Variants in LARGE1 observed in about 807,000 individuals in gnomAD.
The protein encoded by LARGE1 is LARGE xylosyl- and glucuronyltransferase 1, also known as xylosyl- and glucuronyltransferase LARGE1.
A neutral mutation model predicts 87.6 loss-of-function variants in LARGE1; 43 were observed. The ratio of observed to expected loss-of-function variants is 0.49; its 90% CI spans 0.38 to 0.63. The LOEUF (loss-of-function observed/expected upper bound fraction) is 0.63. Among genes scored for constraint, LARGE1 ranks in the 30% least tolerant of loss-of-function variants. The pLI is 0.00. For synonymous variants in LARGE1, 434 were observed against 394.6 expected, an observed-to-expected ratio of 1.10 and a Z score of -1.18; for missense variants, 802 against 1,000.2, an observed-to-expected ratio of 0.80 and a Z score of 2.67.
intron 9 of LARGE1, among the ~76,000 whole-genome samples, chr22:33,368,847 G>A (rs532666829): frequency 3.3e-5 from 5 of 152,226 alleles, no homozygotes; most frequent in East Asian, 3.9e-4. Flanking sequence ...AAAAAAATAC[G>A]TACTTTAATT....
the LARGE1 span, among the ~76,000 whole-genome samples, chr22:33,083,751 A>G: frequency 6.6e-6 from 1 of 152,226 alleles, no homozygotes; most frequent in Non-Finnish European, 1.5e-5. Context: ...GTAAGAGGTC[A>G]TCTCTTGAGA....
At chr22:33,555,838 G>C (rs539558404) in intron 6 of LARGE1, among the ~76,000 whole-genome samples, 3 of 151,024 alleles carry the variant, frequency 2.0e-5, no homozygotes, top group South Asian at 2.1e-4. Context: ...GCTGAGACAG[G>C]AGAACTGCCT....
At chr22:33,611,062 GC>G (rs1229173843) in intron 4 of LARGE1, among the ~76,000 whole-genome samples, 1 of 151,390 alleles carries the variant, frequency 6.6e-6, no homozygotes, top group Non-Finnish European at 1.5e-5. Context: ...AAGCCTGGGT[GC>G]CCATGCAGAA....
chr22:33,315,188 C>T (rs887278148), intron 11 of LARGE1, among the ~76,000 whole-genome samples: 4 of 152,166 alleles, frequency 2.6e-5, no homozygotes, highest in East Asian at 1.9e-4. Flanking sequence ...GCCCTGGCTA[C>T]ACGTTATAAG....
At chr22:33,773,447 C>T (rs1182998520) in intron 1 of LARGE1, among the ~76,000 whole-genome samples, 1 of 152,016 alleles carries the variant, frequency 6.6e-6, no homozygotes, top group African/African-American at 2.4e-5. Context: ...TGTACATTTG[C>T]CTTCAGAACC....
rs532652365 is a variant in LARGE1 at position 33,679,250 on chromosome 22, C to T, written c.107-28582G>A. ...AATCACCTATGTGCCAGACACTTTG[C>T]TCCTTACAGAGCGTTATGGATTTAA... On this transcript the variant is annotated intron_variant, in intron 2 of 14. Transcript: ENST00000397394. Among the ~76,000 whole-genome samples, 248 of 152,240 alleles carry T rather than the reference C, an allele frequency of 1.6e-3. 1 individual carries two copies. The highest frequency in any genetic ancestry group is 3.0e-3 in the Admixed American group (46 of 15,290).
downstream of LARGE1, among the ~76,000 whole-genome samples, chr22:33,161,129 C>G (rs999929599): frequency 6.6e-6 from 1 of 152,108 alleles, no homozygotes; most frequent in Non-Finnish European, 1.5e-5. Flanking sequence ...AAATGCCGAG[C>G]AAGTGGGGAA....
intron 11 of LARGE1, among the ~76,000 whole-genome samples, chr22:33,309,168 G>GC (rs1313518232): frequency 6.7e-6 from 1 of 149,530 alleles, no homozygotes; most frequent in Admixed American, 6.7e-5. Flanking sequence ...TGAGATTCGT[G>GC]CCTTTTTTTT....
chr22:33,831,216 G>C (rs2062957574), intron 1 of LARGE1, among the ~76,000 whole-genome samples: 1 of 151,898 alleles, frequency 6.6e-6, no homozygotes, highest in Non-Finnish European at 1.5e-5. Context: ...AAAGTGCTGG[G>C]ATTACAGGCA....
At chr22:33,495,813 C>A (rs151019882) in intron 6 of LARGE1, among the ~76,000 whole-genome samples, 154 of 152,272 alleles carry the variant, frequency 1.0e-3, no homozygotes, top group Middle Eastern at 6.8e-3. Flanking sequence ...GTCATGATCA[C>A]GGTAGACTCT....
intron 6 of LARGE1, among the ~76,000 whole-genome samples, chr22:33,484,777 C>G (rs1309849575): frequency 2.6e-5 from 4 of 152,174 alleles, no homozygotes; most frequent in African/African-American, 7.2e-5. Context: ...AGCTTCTCTT[C>G]CTCTTCACAT....
intron 5 of LARGE1, among the ~76,000 whole-genome samples, chr22:33,583,136 A>G (rs1322489789): frequency 1.3e-5 from 2 of 152,026 alleles, no homozygotes; most frequent in Non-Finnish European, 2.9e-5. Context: ...TCCTACCACC[A>G]TGCACCCACC....
chr22:33,921,023 A>C (rs1215299470), upstream of LARGE1, among the ~76,000 whole-genome samples: 7 of 149,144 alleles, frequency 4.7e-5, no homozygotes, highest in East Asian at 2.0e-4. The surrounding 1 kb of genome is among the most constrained non-coding windows in gnomAD (Gnocchi z 4.1). Flanking sequence ...TGTCTGTGTC[A>C]TGTCTGTGCA....
In LARGE1 at chr22:33,593,097, C is replaced by T. The variant is rs556912941; in HGVS notation, c.615+11338G>A. ...CTTGTGATCCGCCCACCTCGGCCTC[C>T]CAAAGTGCTGGGATTACAGGCGTGA... On this transcript the variant is annotated intron_variant, in intron 5 of 14. Transcript: ENST00000397394. Among the ~76,000 whole-genome samples the T allele has an allele frequency of 2.6e-5, 4 of 152,346 alleles. No homozygotes were observed. In the East Asian group the frequency reaches 7.7e-4, roughly 29 times the overall value.
intron 5 of LARGE1, among the ~76,000 whole-genome samples, chr22:33,575,702 T>G (rs540659317): frequency 3.5e-4 from 54 of 152,274 alleles, no homozygotes; most frequent in Non-Finnish European, 6.3e-4. Flanking sequence ...CTAAAAATGC[T>G]CATTATTCAG....
rs147499744 is a variant in LARGE1 at position 33,286,800 on chromosome 22, T to C, written c.1731-3452A>G. On this transcript the variant is annotated intron_variant, in intron 12 of 14. Coordinates refer to ENST00000397394, the MANE Select transcript of LARGE1 (RefSeq NM_133642.5). ...GTTTGTATCTATATAAGGATCAAGT[T>C]ACTATTATCATCAGTTGCTATAGGA... Among the ~76,000 whole-genome samples, 835 of 152,332 alleles carry C rather than the reference T, an allele frequency of 5.5e-3. 6 individuals are homozygous for C. The highest frequency in any genetic ancestry group is 0.019 in the African/African-American group (779 of 41,570).
At chr22:33,101,722 A>T in the LARGE1 span, among the ~76,000 whole-genome samples, 1 of 152,164 alleles carries the variant, frequency 6.6e-6, no homozygotes, top group Admixed American at 6.5e-5. Flanking sequence ...TTCAGTTGAC[A>T]TTATAGGGCA....
intron 6 of LARGE1, among the ~76,000 whole-genome samples, chr22:33,522,277 C>A (rs1401582364): frequency 6.6e-6 from 1 of 152,194 alleles, no homozygotes; most frequent in Non-Finnish European, 1.5e-5. Context: ...AAGAGTTAGC[C>A]ACCTCTGTCA....
At chr22:33,470,557 C>T (rs760039441) in intron 6 of LARGE1, among the ~76,000 whole-genome samples, 28 of 152,224 alleles carry the variant, frequency 1.8e-4, no homozygotes, top group Admixed American at 5.9e-4. Flanking sequence ...TGCATGCTGT[C>T]CTGACAAGCC....
Sources: allele counts gnomAD v4.1 joint callset (sites outside exome capture counted in the v4.1 genomes callset), GRCh38; gene constraint gnomAD v4.1.1; non-coding constraint Gnocchi (gnomAD v3.1); transcripts MANE v1.5; gene names NCBI Gene and HGNC (gene_info 2026-07-23, HGNC 2026-07-21).